The following ANK3 variants were observed in gnomAD, a reference collection of about 807,000 sequenced individuals.
ANK3 encodes the protein ankyrin 3.
Under a neutral mutation model 370.9 loss-of-function variants are expected in ANK3, and 57 were observed. The observed-to-expected ratio is 0.15, with a 90% CI of 0.12 to 0.19. The LOEUF (loss-of-function observed/expected upper bound fraction) is 0.19, where lower values mean the gene tolerates loss of function less well. ANK3 is among the 10% of genes least tolerant of loss of function. The pLI is 1.00. For synonymous variants in ANK3, 1,929 were observed against 1,946.3 expected, an observed-to-expected ratio of 0.99 and a Z score of 0.23; for missense variants, 4,439 against 5,302.1, an observed-to-expected ratio of 0.84 and a Z score of 5.06.
intron 2 of ANK3, among the ~76,000 whole-genome samples, chr10:60,410,164 C>T (rs1187083778): frequency 6.6e-6 from 1 of 152,094 alleles, no homozygotes; most frequent in African/African-American, 2.4e-5. Context: ...TGTGGTGGCT[C>T]ATACCTGTAA....
chr10:60,252,861 C>T (rs117653366), intron 7 of ANK3, among the ~76,000 whole-genome samples: 3,527 of 152,292 alleles, frequency 0.023, 54 homozygotes, highest in Non-Finnish European at 0.035. Context: ...TACAGGGGAA[C>T]GTGACTTGCA....
chr10:60,459,068 G>A (rs1224210760), intron 2 of ANK3, among the ~76,000 whole-genome samples: 1 of 152,092 alleles, frequency 6.6e-6, no homozygotes, highest in East Asian at 1.9e-4. Flanking sequence ...GAGTGATAGT[G>A]CATATCCAAG....
At chr10:60,401,048 A>T (rs1317104136) in intron 2 of ANK3, among the ~76,000 whole-genome samples, 2 of 152,230 alleles carry the variant, frequency 1.3e-5, no homozygotes, top group Non-Finnish European at 2.9e-5. Context: ...ACATATATTC[A>T]TTCTAAAAAT....
chr10:60,082,005 G>A, intron 35 of ANK3, 145 bp downstream of exon 35: 2 of 521,508 alleles, frequency 3.8e-6, no homozygotes, highest in South Asian at 7.9e-5. Flanking sequence ...AACCATTTAA[G>A]AAAAATATAT....
At chr10:60,728,324 T>A (rs1225947878) in intron 1 of ANK3, among the ~76,000 whole-genome samples, 1 of 152,198 alleles carries the variant, frequency 6.6e-6, no homozygotes, top group Non-Finnish European at 1.5e-5. Context: ...ACATGTCATC[T>A]TACCACTTCC....
chr10:60,125,696 G>C (rs1300663838), intron 25 of ANK3, among the ~76,000 whole-genome samples: 2 of 152,156 alleles, frequency 1.3e-5, no homozygotes, highest in African/African-American at 4.8e-5. Flanking sequence ...GGGTGGGAGT[G>C]TGGGTGGAAT....
chr10:60,176,185 AAAAAAAAAAAC>A (rs1255282775), intron 18 of ANK3, among the ~76,000 whole-genome samples: 3 of 125,670 alleles, frequency 2.4e-5, no homozygotes, highest in African/African-American at 1.1e-4. Flanking sequence ...AATACAAAAA[AAAAAAAAAAAC>A]AAAAAAAAAC....
intron 42 of ANK3, chr10:60,050,845 A>C (rs2077819034): frequency 6.6e-6 from 1 of 151,806 alleles, no homozygotes; most frequent in Admixed American, 6.6e-5. Context: ...ATTGACTCCT[A>C]TACTTAAAAA....
chr10:60,207,121 G>T (rs1326944567), intron 10 of ANK3, among the ~76,000 whole-genome samples: 1 of 152,208 alleles, frequency 6.6e-6, no homozygotes, highest in Non-Finnish European at 1.5e-5. Flanking sequence ...GACTGATCTT[G>T]AAATGCTGCT....
Position 60,051,664 on chromosome 10 carries a change from CTTTTTTTT to C in ANK3, c.13065+3986_13065+3993del, listed in dbSNP as rs35764181. ...AATTACACTTACTTGATGTTTTCTT[CTTTTTTTT>C]TTTTTTTTTTTGCCGACTAAAGAAA... On this transcript the variant is annotated intron_variant, in intron 42 of 43. Transcript: ENST00000280772. 5.9e-5 allele frequency: 9 copies of C among 151,746 alleles called. No individual in the cohort carries two copies. In the South Asian group the frequency reaches 9.5e-4, roughly 16 times the overall value. The allele number at this position is 151,746 out of a possible 1,614,324, so 9.4% of individuals were successfully genotyped here. A position where few individuals can be genotyped will look rare whatever the true frequency, so the allele number is the denominator to read the frequency against.
intron 1 of ANK3, among the ~76,000 whole-genome samples, chr10:60,333,988 T>A (rs1023286217): frequency 6.6e-6 from 1 of 152,204 alleles, no homozygotes; most frequent in Non-Finnish European, 1.5e-5. Flanking sequence ...GATGTATACA[T>A]GTATTGGTTA....
At chr10:60,282,165 C>T (rs1476488912) in intron 1 of ANK3, among the ~76,000 whole-genome samples, 1 of 152,148 alleles carries the variant, frequency 6.6e-6, no homozygotes, top group Non-Finnish European at 1.5e-5. Context: ...TGACATCAGT[C>T]TGCCTGGATA....
intron 24 of ANK3, among the ~76,000 whole-genome samples, chr10:60,134,814 T>C (rs2094258968): frequency 6.6e-6 from 1 of 152,232 alleles, no homozygotes; most frequent in African/African-American, 2.4e-5. Flanking sequence ...TCTTTGGGAC[T>C]TACTGAGAAC....
Position 60,732,514 on chromosome 10 carries a change from T to C in ANK3, c.57+749A>G, listed in dbSNP as rs375466231. 3.6e-4 allele frequency among the ~76,000 whole-genome samples: 55 copies of C among 152,230 alleles called. 1 individual carries two copies. The South Asian group carries it at 0.011, about 30-fold the overall frequency. On this transcript the variant is annotated intron_variant, in intron 1 of 43. Coordinates refer to the ANK3 transcript ENST00000373827. ...ACCGATTTCTACTTCTTGTTTTTGT[T>C]TGCATGCCTTTACAAGGCTCTCGGA...
intron 2 of ANK3, among the ~76,000 whole-genome samples, chr10:60,448,414 TG>T (rs2064508323): frequency 6.6e-6 from 1 of 152,228 alleles, no homozygotes; most frequent in Non-Finnish European, 1.5e-5. Context: ...TGACTCAGAC[TG>T]GAACATGTGA....
At chr10:60,493,204 A>C (rs892629739) in intron 2 of ANK3, among the ~76,000 whole-genome samples, 2 of 152,160 alleles carry the variant, frequency 1.3e-5, no homozygotes, top group Non-Finnish European at 2.9e-5. Flanking sequence ...CCTGCTATAT[A>C]ATGGCTAGGA....
chr10:60,108,280 C>T, intron 27 of ANK3: 1 of 401,318 alleles, frequency 2.5e-6, no homozygotes, highest in Non-Finnish European at 4.8e-6. Flanking sequence ...TAGGAAGATG[C>T]AGTTTACTGA....
intron 2 of ANK3, among the ~76,000 whole-genome samples, chr10:60,566,441 A>C (rs1011699028): frequency 2.6e-5 from 4 of 152,242 alleles, no homozygotes; most frequent in African/African-American, 9.6e-5. Flanking sequence ...CTCTTTCACT[A>C]GTGAGCCAAA....
chr10:60,376,766 C>T lies in ANK3; in HGVS notation c.114+12659G>A, dbSNP rs547733293. ...GAGGCACACTCAATATCTTTTGAAA[C>T]GAATCAGACTGGAATTGAGGAGATC... On this transcript the variant is annotated intron_variant, in intron 1 of 43. Transcript: ENST00000280772. Among the ~76,000 whole-genome samples, 18 of 152,266 alleles carry T rather than the reference C, an allele frequency of 1.2e-4. 1 individual carries two copies. Among genetic ancestry groups the T allele is most frequent in the African/African-American group, 3.4e-4 (14 of 41,556 alleles).
Sources: allele counts gnomAD v4.1 joint callset (sites outside exome capture counted in the v4.1 genomes callset), GRCh38; gene constraint gnomAD v4.1.1; transcripts MANE v1.5; gene names NCBI Gene and HGNC (gene_info 2026-07-23, HGNC 2026-07-21).